CPT1A: variants seen among roughly 807,000 people sequenced by gnomAD.
CPT1A encodes carnitine O-palmitoyltransferase 1, liver isoform.
Under a neutral mutation model 100.8 loss-of-function variants are expected in CPT1A, and 64 were observed. The observed-to-expected ratio is 0.63, with a 90% CI of 0.52 to 0.78. The LOEUF (loss-of-function observed/expected upper bound fraction) is 0.78, where lower values mean the gene tolerates loss of function less well. Ranked by LOEUF, CPT1A falls within the 30% of genes least tolerant of loss-of-function variation. The pLI, the probability that CPT1A is intolerant of heterozygous loss-of-function variation, is 0.00. For missense variants in CPT1A, 802 were observed against 1,034.1 expected (o/e 0.78, Z 3.08); for synonymous variants, 363 against 396.0 (o/e 0.92, Z 0.99).
rs750402883 is a variant in CPT1A, at chr11:68,773,409, G to C, written c.1596C>G (p.Thr532=). The C allele has an allele frequency of 1.2e-6, 2 of 1,614,020 alleles. No individual in the cohort carries two copies. The highest frequency in any genetic ancestry group is 2.2e-5 in the South Asian group (2 of 91,076). ...IPGECQEVIE[T]SLNTANLLAN... ...CCAGAAGATTTGCGGTGTTCAGGGA[G>C]GTCTCTATAACCTCTTGACACTTGA... Residue 532 remains threonine (T), a synonymous_variant, in exon 14 of 19, where the codon ACC becomes ACG. Coordinates refer to ENST00000265641, the MANE Select transcript of CPT1A (RefSeq NM_001876.4).
Position 68,809,222 on chromosome 11 carries a change from C to T in CPT1A, c.282-1584G>A, listed in dbSNP as rs12575292. ...TCTGGTCATCTAACCTATAAACAAA[C>T]TTGGGTTTAGGGATTTAAGAAGCTA... On this transcript the variant is annotated intron_variant, in intron 3 of 18. Transcript: ENST00000265641. 2.4e-3 allele frequency among the ~76,000 whole-genome samples: 370 copies of T among 152,124 alleles called. 9 individuals carry two copies. The East Asian group carries it at 0.067, about 27-fold the overall frequency.
intron 14 of CPT1A, 53 bp downstream of exon 14, chr11:68,773,212 G>A: frequency 6.2e-7 from 1 of 1,610,006 alleles, no homozygotes; most frequent in South Asian, 1.1e-5. Context: ...TCTTGGGCAG[G>A]TGTAGGAACC....
At chr11:68,826,508 G>C (rs1232413517) in intron 1 of CPT1A, among the ~76,000 whole-genome samples, 2 of 151,756 alleles carry the variant, frequency 1.3e-5, no homozygotes, top group Non-Finnish European at 2.9e-5. Context: ...GCCGAGGGGG[G>C]CAGATCATGA....
In CPT1A at chr11:68,807,524, G is replaced by A; in HGVS notation, c.396C>T (p.Tyr132=). The change falls in exon 4 of 19, where the codon TAC becomes TAT. Residue 132 remains tyrosine (Y), a synonymous_variant. Transcript: ENST00000265641. Reference sequence around the variant, plus strand: ...CGTGCTCAGTGAACATCCACCCGTGGTAGGAGAGCAGCACTTTCAGGGAGT... The same window carrying A: ...CGTGCTCAGTGAACATCCACCCGTGATAGGAGAGCAGCACTTTCAGGGAGT... ...MRYSLKVLLS[Y]HGWMFTEHGK... The A allele has an allele frequency of 1.2e-6, 2 of 1,614,202 alleles. No homozygotes were observed. Among genetic ancestry groups the A allele is most frequent in the Non-Finnish European group, 8.5e-7 (1 of 1,180,034 alleles).
intron 1 of CPT1A, among the ~76,000 whole-genome samples, chr11:68,825,899 G>A (rs1856714508): frequency 6.6e-6 from 1 of 152,200 alleles, no homozygotes; most frequent in African/African-American, 2.4e-5. Context: ...AGAAGACACG[G>A]GCACCATGGC....
At chr11:68,828,308 G>A (rs1292464914) in intron 1 of CPT1A, among the ~76,000 whole-genome samples, 1 of 152,212 alleles carries the variant, frequency 6.6e-6, no homozygotes, top group Non-Finnish European at 1.5e-5. Flanking sequence ...TTCTTGGAGA[G>A]GGGGGCATAC....
chr11:68,838,521 C>G (rs1320317548), intron 1 of CPT1A, among the ~76,000 whole-genome samples: 1 of 130,380 alleles, frequency 7.7e-6, no homozygotes, highest in Non-Finnish European at 1.6e-5. Context: ...GTGGTGGCAT[C>G]TGGAGAGGGG....
chr11:68,826,571 A>G (rs1334715419), intron 1 of CPT1A, among the ~76,000 whole-genome samples: 3 of 151,018 alleles, frequency 2.0e-5, no homozygotes. Flanking sequence ...CATCTCTACT[A>G]AAAATACAAA....
At chr11:68,831,485 T>C (rs1256411612) in intron 1 of CPT1A, among the ~76,000 whole-genome samples, 1 of 152,154 alleles carries the variant, frequency 6.6e-6, no homozygotes, top group Non-Finnish European at 1.5e-5. Flanking sequence ...AACTGAAATA[T>C]GTAAATAATT....
chr11:68,816,371 C>T (rs1453091062), intron 1 of CPT1A, among the ~76,000 whole-genome samples: 1 of 152,214 alleles, frequency 6.6e-6, no homozygotes, highest in African/African-American at 2.4e-5. Context: ...GGCCTTCTTC[C>T]TTGGAGGCAG....
intron 9 of CPT1A, among the ~76,000 whole-genome samples, chr11:68,786,887 TTGC>T (rs1202265100): frequency 6.6e-6 from 1 of 152,182 alleles, no homozygotes; most frequent in Non-Finnish European, 1.5e-5. Flanking sequence ...CTGCTTTGGT[TTGC>T]TGAAGGGTTC....
At chr11:68,797,961 A>C (rs1855798065) in intron 6 of CPT1A, among the ~76,000 whole-genome samples, 1 of 152,216 alleles carries the variant, frequency 6.6e-6, no homozygotes, top group Admixed American at 6.5e-5. Flanking sequence ...CTGGGTGACG[A>C]GCGAGACTTT....
rs958227687 is a variant in CPT1A, at chr11:68,773,246, C to A, written c.1740+19G>T. On this transcript the variant is annotated intron_variant, in intron 14 of 18. Transcript: ENST00000265641. Reference sequence around the variant, plus strand: ...CCCCCAAAGTGCTCACGACAAAACCCTAGGCGGTCAGTTCTTACCTTGTAG... The same window carrying A: ...CCCCCAAAGTGCTCACGACAAAACCATAGGCGGTCAGTTCTTACCTTGTAG... The A allele has an allele frequency of 1.9e-6, 3 of 1,613,384 alleles. No individual in the cohort carries two copies. The highest frequency in any genetic ancestry group is 1.7e-5 in the Admixed American group (1 of 59,986).
upstream of CPT1A, among the ~76,000 whole-genome samples, chr11:68,842,139 C>G (rs567343961): frequency 6.6e-6 from 1 of 152,266 alleles, no homozygotes; most frequent in Non-Finnish European, 1.5e-5. Context: ...CGAGCCATCT[C>G]GTGGAGGCCG....
intron 1 of CPT1A, among the ~76,000 whole-genome samples, chr11:68,823,676 C>A (rs1457132019): frequency 6.6e-6 from 1 of 152,046 alleles, no homozygotes; most frequent in Non-Finnish European, 1.5e-5. Flanking sequence ...GTAATCCCAG[C>A]TACTCGGGAG....
At chr11:68,764,566 G>A (rs887310465) in intron 14 of CPT1A, among the ~76,000 whole-genome samples, 1 of 152,064 alleles carries the variant, frequency 6.6e-6, no homozygotes, top group African/African-American at 2.4e-5. Flanking sequence ...CTCAGCTGGG[G>A]AACGGAGAGT....
chr11:68,793,064 TAAATAAATC>T (rs1317422929), intron 9 of CPT1A, among the ~76,000 whole-genome samples: 1 of 151,594 alleles, frequency 6.6e-6, no homozygotes, highest in African/African-American at 2.4e-5. Flanking sequence ...AATAAATAAA[TAAATAAATC>T]AAACACTCTA....
chr11:68,758,052 G>A (rs1188696505), intron 18 of CPT1A, among the ~76,000 whole-genome samples: 1 of 152,174 alleles, frequency 6.6e-6, no homozygotes, highest in Non-Finnish European at 1.5e-5. Context: ...GGAATCGCTT[G>A]AGCCCAGGAG....
rs748910520 is a variant in CPT1A at position 68,804,111 on chromosome 11, G to C, written c.454-10C>G. The C allele has an allele frequency of 6.9e-6, 11 of 1,602,456 alleles. No individual in the cohort carries two copies. Among genetic ancestry groups the C allele is most frequent in the East Asian group, 2.2e-5 (1 of 44,828 alleles). ...AGATCTTGACCATACCCTGAAGAGAGAGAATTATATTTTCAGACTACTGCC... is the reference window on the plus strand; with the variant it reads ...AGATCTTGACCATACCCTGAAGAGACAGAATTATATTTTCAGACTACTGCC... On this transcript the variant is annotated splice_polypyrimidine_tract_variant and intron_variant, in intron 4 of 18. Coordinates refer to ENST00000265641, the MANE Select transcript of CPT1A (RefSeq NM_001876.4).
Sources: allele counts gnomAD v4.1 joint callset (sites outside exome capture counted in the v4.1 genomes callset), GRCh38; gene constraint gnomAD v4.1.1; transcripts MANE v1.5; gene names NCBI Gene and HGNC (gene_info 2026-07-23, HGNC 2026-07-21).